ADAM11: variants seen among roughly 807,000 people sequenced by gnomAD.
The protein encoded by ADAM11 is ADAM metallopeptidase domain 11.
ADAM11 carries 49 observed loss-of-function variants against 119.1 expected under a neutral mutation model. The observed-to-expected ratio is 0.41, with a 90% CI of 0.33 to 0.52. ADAM11 has a LOEUF of 0.52. ADAM11 is among the 20% of genes least tolerant of loss of function. The pLI is 0.20. For synonymous variants in ADAM11, 364 were observed against 408.0 expected, an observed-to-expected ratio of 0.89 and a Z score of 1.30; for missense variants, 777 against 1,047.5, an observed-to-expected ratio of 0.74 and a Z score of 3.56.
Position 44,767,044 on chromosome 17 carries a change from AAATT to A in ADAM11, c.238-2661_238-2658del, listed in dbSNP as rs1382400190. 2.0e-5 allele frequency among the ~76,000 whole-genome samples: 3 copies of A among 152,162 alleles called. No individual in the cohort carries two copies. In the South Asian group the frequency reaches 6.2e-4, roughly 32 times the overall value. Reference sequence around the variant, plus strand: ...ACACAGTGAGATCCCATCTCTTAAAAAATTAATTAATTAATTTTAAAAAAAGAAC... The same window carrying A: ...ACACAGTGAGATCCCATCTCTTAAAAAATTAATTAATTTTAAAAAAAGAAC... On this transcript the variant is annotated intron_variant, in intron 2 of 26. Coordinates refer to ENST00000200557, the MANE Select transcript of ADAM11 (RefSeq NM_002390.6).
chr17:44,773,399 G>C lies in ADAM11; in HGVS notation c.964G>C (p.Glu322Gln). The stretch of plus-strand genomic sequence containing the variant: ...GGTCTACCGACGGGAGGGTCTGCCT[G>C]AGCCCAGTGATGCCACCCACCTCTT... ...LMVYRREGLP[E>Q]PSDATHLFSG... Residue 322 changes from glutamate (E) to glutamine (Q), a missense_variant, in exon 11 of 27, where the codon GAG becomes CAG. Coordinates refer to ENST00000200557, the MANE Select transcript of ADAM11 (RefSeq NM_002390.6). This position sits in a 1 kb window ranked among gnomAD's most constrained non-coding sequence, Gnocchi z 4.6. 1.2e-6 allele frequency: 2 copies of C among 1,613,722 alleles called. No individual in the cohort carries two copies. Among genetic ancestry groups the C allele is most frequent in the Non-Finnish European group, 1.7e-6 (2 of 1,179,876 alleles).
At chr17:44,765,466 C>T (rs2049436648) in intron 2 of ADAM11, among the ~76,000 whole-genome samples, 1 of 152,148 alleles carries the variant, frequency 6.6e-6, no homozygotes, top group Non-Finnish European at 1.5e-5. Flanking sequence ...CCAAAGGAGT[C>T]GTTTATGCAG....
Position 44,778,202 on chromosome 17 carries a change from G to A in ADAM11, c.2236G>A (p.Val746Ile). 1 of 1,613,834 alleles carries A rather than the reference G, an allele frequency of 6.2e-7. No individual in the cohort carries two copies. The highest frequency in any genetic ancestry group is 8.5e-7 in the Non-Finnish European group (1 of 1,179,874). ...IIGSIAGAVLVAAIVLGGTGW... is the reference protein window; with the variant it reads ...IIGSIAGAVLIAAIVLGGTGW... ...TGGCTCCATTGCTGGGGCTGTCCTG[G>A]TTGCAGCCATCGTCCTGGGCGGCAC... Residue 746 changes from valine to isoleucine, a missense_variant, in exon 25 of 27, where the codon GTT (valine) becomes ATT (isoleucine). Around this residue, in one of 4 missense-constraint regions of ADAM11, gnomAD observed 348 missense variants for 486.7 expected, o/e 0.72. Coordinates refer to ENST00000200557, the MANE Select transcript of ADAM11 (RefSeq NM_002390.6).
chr17:44,763,552 G>A (rs757899550), intron 2 of ADAM11, among the ~76,000 whole-genome samples: 42 of 152,222 alleles, frequency 2.8e-4, no homozygotes, highest in Non-Finnish European at 5.4e-4. Flanking sequence ...TGTGGTTCCA[G>A]GGAGCCTGCA....
chr17:44,764,942 G>T (rs1045212581), intron 2 of ADAM11, among the ~76,000 whole-genome samples: 5 of 151,978 alleles, frequency 3.3e-5, no homozygotes, highest in Non-Finnish European at 4.4e-5. Flanking sequence ...CTCGGGGTGG[G>T]GTCCAGGGGA....
At position 44,772,574 on chromosome 17, in the gene ADAM11, G is replaced by A; in HGVS notation, c.678+108G>A. ...ACCCTCATCTATGGCTGGGGCGAAG[G>A]AAGGCTCAGATGGATGTGGCTGGGG... is the stretch of plus-strand genomic sequence containing the variant. On this transcript the variant is annotated intron_variant, in intron 8 of 26. Transcript: ENST00000200557. The surrounding 1 kb of genome is among the most constrained non-coding windows in gnomAD (Gnocchi z 4.5). 7.2e-7 allele frequency: 1 copy of A among 1,386,322 alleles called. No homozygotes were observed. Among genetic ancestry groups the A allele is most frequent in the Non-Finnish European group, 9.8e-7 (1 of 1,018,298 alleles). The allele number at this position is 1,386,322 out of a possible 1,614,324, so 85.9% of individuals were successfully genotyped here.
At chr17:44,764,659 G>A (rs1000781501) in intron 2 of ADAM11, among the ~76,000 whole-genome samples, 3 of 152,196 alleles carry the variant, frequency 2.0e-5, no homozygotes, top group Non-Finnish European at 4.4e-5. Context: ...TGCAGGTCCT[G>A]CTCCCCTGCT....
rs546482338 is a variant in ADAM11 at position 44,777,217 on chromosome 17, G to A, written c.1733G>A (p.Arg578His). Residue 578 changes from arginine (R) to histidine (H), a missense_variant, in exon 21 of 27, where the codon CGT (arginine) becomes CAT (histidine). Arg to His is a conservative substitution (Grantham distance 29). Around this residue, in one of 4 missense-constraint regions of ADAM11, gnomAD observed 348 missense variants for 486.7 expected, o/e 0.72. Transcript: ENST00000200557. The surrounding 1 kb of genome is among the most constrained non-coding windows in gnomAD (Gnocchi z 5.1). ...AAGCTGAATGTGGAGGGGACGGAGC[G>A]TGGGAGCTGTGGGCGCAAGGGATCT... is the stretch of plus-strand genomic sequence containing the variant. Reference protein sequence around the residue: ...YEKLNVEGTERGSCGRKGSGW... With the variant: ...YEKLNVEGTEHGSCGRKGSGW... The A allele has an allele frequency of 9.3e-6, 15 of 1,608,880 alleles. No individual in the cohort carries two copies. Among genetic ancestry groups the A allele is most frequent in the East Asian group, 2.2e-5 (1 of 44,842 alleles).
At chr17:44,779,534 C>T (rs1314891040) in intron 26 of ADAM11, 5 of 985,248 alleles carry the variant, frequency 5.1e-6, no homozygotes, top group African/African-American at 1.7e-5. Context: ...TGGCAGTCCC[C>T]ATCCCCGGGA....
At position 44,759,760 on chromosome 17, in the gene ADAM11, G is replaced by T. The variant is rs550063531; in HGVS notation, c.100G>T (p.Gly34Trp). Residue 34 changes from glycine to tryptophan, a missense_variant, in exon 2 of 27, where the codon GGG becomes TGG. Coordinates refer to ENST00000200557, the MANE Select transcript of ADAM11 (RefSeq NM_002390.6). ...AGGTCCTGCTGGAGCTCTGCGATGGGGGGGCTTACCCCAGCTGGGAGGCCC... is the reference window on the plus strand; with the variant it reads ...AGGTCCTGCTGGAGCTCTGCGATGGTGGGGCTTACCCCAGCTGGGAGGCCC... ...TQGPAGALRWGGLPQLGGPGA... is the reference protein window; with the variant it reads ...TQGPAGALRWWGLPQLGGPGA... The T allele has an allele frequency of 3.0e-6, 4 of 1,325,554 alleles. No homozygotes were observed. Among genetic ancestry groups the T allele is most frequent in the African/African-American group, 3.0e-5 (2 of 66,524 alleles). The allele number at this position is 1,325,554 out of a possible 1,614,324, so 82.1% of individuals were successfully genotyped here. A position where few individuals can be genotyped will look rare whatever the true frequency, so the allele number is the denominator to read the frequency against.
Position 44,771,790 on chromosome 17 carries a change from G to T in ADAM11, c.502G>T (p.Val168Leu), listed in dbSNP as rs147818264. Residue 168 changes from valine (V) to leucine (L), a missense_variant, in exon 6 of 27, where the codon GTG becomes TTG. Around this residue, in one of 4 missense-constraint regions of ADAM11, gnomAD observed 278 missense variants for 310.1 expected, o/e 0.90. Coordinates refer to ENST00000200557, the MANE Select transcript of ADAM11 (RefSeq NM_002390.6). ...CTCTGATGGGAACTTGACTTACATC[G>T]TGGAGCCCCAAGAGGTGGCTGGACC... ...VFSDGNLTYI[V>L]EPQEVAGPWG... The T allele has an allele frequency of 6.2e-7, 1 of 1,613,474 alleles. No homozygotes were observed. Among genetic ancestry groups the T allele is most frequent in the Non-Finnish European group, 8.5e-7 (1 of 1,179,504 alleles).
At chr17:44,760,243 G>A (rs950882773) in intron 2 of ADAM11, among the ~76,000 whole-genome samples, 1 of 152,242 alleles carries the variant, frequency 6.6e-6, no homozygotes, top group Non-Finnish European at 1.5e-5. Flanking sequence ...GGGCAAGTTG[G>A]GGGCAGGGAG....
Position 44,775,281 on chromosome 17 carries a change from T to G in ADAM11, c.1290T>G (p.Gly430=), listed in dbSNP as rs1043270168. Residue 430 remains glycine, a synonymous_variant, in exon 15 of 27, where the codon GGT becomes GGG. Transcript: ENST00000200557. This position sits in a 1 kb window ranked among gnomAD's most constrained non-coding sequence, Gnocchi z 7.5. ...DEYNQFLQEG[G]GSCLFNKPLK... ...ACAACCAGTTTCTGCAGGAGGGTGGTGGCAGCTGCCTCTTCAACAAGCCCC... is the reference window on the plus strand; with the variant it reads ...ACAACCAGTTTCTGCAGGAGGGTGGGGGCAGCTGCCTCTTCAACAAGCCCC... 3 of 1,613,618 alleles carry G rather than the reference T, an allele frequency of 1.9e-6. No individual in the cohort carries two copies. Among genetic ancestry groups the G allele is most frequent in the African/African-American group, 2.7e-5 (2 of 74,900 alleles).
intron 11 of ADAM11, among the ~76,000 whole-genome samples, 198 bp from the exon 12 acceptor site, chr17:44,774,097 A>AAAAAAGAAAAAG (rs71275952): frequency 2.0e-5 from 3 of 150,630 alleles, no homozygotes; most frequent in South Asian, 2.1e-4. Flanking sequence ...GTCTCAAAAG[A>AAAAAAGAAAAAG]AAAAAGAAAA....
chr17:44,779,876 T>C lies in ADAM11; in HGVS notation c.*122T>C. On this transcript the variant is annotated 3_prime_UTR_variant, in exon 27 of 27. Transcript: ENST00000200557. Reference sequence around the variant, plus strand: ...GTCTTCCAGGTCCAAACCCTTCAACTCCTGGCTCCGCAGGGGTTTGGGTGG... The same window carrying C: ...GTCTTCCAGGTCCAAACCCTTCAACCCCTGGCTCCGCAGGGGTTTGGGTGG... 1.4e-6 allele frequency: 2 copies of C among 1,380,470 alleles called. No homozygotes were observed. The highest frequency in any genetic ancestry group is 1.2e-5 in the South Asian group (1 of 83,896). 85.5% of individuals were successfully genotyped at this position (1,380,470 alleles called of 1,614,324 possible).
At chr17:44,779,620 G>A in intron 26 of ADAM11, 119 bp from the exon 27 acceptor site, 1 of 1,492,022 alleles carries the variant, frequency 6.7e-7, no homozygotes, top group Non-Finnish European at 8.8e-7. Context: ...CCCTTCCCTG[G>A]CCAGCCTGTG....
chr17:44,767,889 C>G (rs1343559890), intron 2 of ADAM11, among the ~76,000 whole-genome samples: 1 of 152,152 alleles, frequency 6.6e-6, no homozygotes, highest in Admixed American at 6.5e-5. Flanking sequence ...TGGGGTGGCT[C>G]GCAGACCTCC....
At position 44,774,276 on chromosome 17, in the gene ADAM11, A is replaced by G; in HGVS notation, c.993-19A>G. 2 of 1,446,102 alleles carry G rather than the reference A, an allele frequency of 1.4e-6. 1 individual carries two copies. The highest frequency in any genetic ancestry group is 1.8e-6 in the Non-Finnish European group (2 of 1,096,576). 89.6% of individuals were successfully genotyped at this position (1,446,102 alleles called of 1,614,324 possible). ...CAGGGGAGGGCAGGAGGCCATCCTG[A>G]CAGCGCACTCCCTTCCAGGGGCAGG... On this transcript the variant is annotated intron_variant, in intron 11 of 26. Transcript: ENST00000200557.
rs1034619399 is a variant in ADAM11 at position 44,773,199 on chromosome 17, C to T, written c.826-62C>T. The T allele has an allele frequency of 6.2e-7, 1 of 1,600,180 alleles. No individual in the cohort carries two copies. ...CACTTCCTGGAGAGAACAGACAGGCCCTCCTCCAGCCCTGGCCCCAACACC... is the reference window on the plus strand; with the variant it reads ...CACTTCCTGGAGAGAACAGACAGGCTCTCCTCCAGCCCTGGCCCCAACACC... On this transcript the variant is annotated intron_variant, in intron 10 of 26. Coordinates refer to ENST00000200557, the MANE Select transcript of ADAM11 (RefSeq NM_002390.6). The surrounding 1 kb of genome is among the most constrained non-coding windows in gnomAD (Gnocchi z 4.6).
Sources: gnomAD v4.1 joint callset for allele counts (sites outside exome capture counted in the v4.1 genomes callset) on GRCh38, gnomAD v4.1.1 for gene constraint, gnomAD v4.1.1 regional missense constraint, Gnocchi (gnomAD v3.1) non-coding constraint, MANE v1.5 for transcripts, NCBI Gene and HGNC (gene_info 2026-07-23, HGNC 2026-07-21) for gene names.